Variants in BACH2 observed in about 807,000 individuals in gnomAD.
BACH2 encodes the protein BACH transcriptional regulator 2, also known as transcription regulator protein BACH2.
A neutral mutation model predicts 61.8 loss-of-function variants in BACH2; 5 were observed. The observed-to-expected ratio is 0.08, with a 90% CI of 0.04 to 0.17. BACH2 has a LOEUF of 0.17. Among genes scored for constraint, BACH2 ranks in the 10% least tolerant of loss-of-function variants. The pLI is 1.00. For synonymous variants in BACH2, 446 were observed against 440.1 expected (o/e 1.01, Z -0.17); for missense variants, 824 against 1,091.1 (o/e 0.76, Z 3.45).
chr6:90,280,932 C>G (rs1333731288), intron 1 of BACH2, among the ~76,000 whole-genome samples: 1 of 152,238 alleles, frequency 6.6e-6, no homozygotes, highest in African/African-American at 2.4e-5. Flanking sequence ...AACATCTCCT[C>G]TTCTCCATGT....
intron 3 of BACH2, among the ~76,000 whole-genome samples, chr6:90,239,529 G>A (rs1432051704): frequency 6.6e-6 from 1 of 152,110 alleles, no homozygotes; most frequent in Non-Finnish European, 1.5e-5. Flanking sequence ...ACCCTGTAAG[G>A]TGTTATAGGA....
At chr6:89,954,304 T>A (rs995412274) in intron 6 of BACH2, among the ~76,000 whole-genome samples, 5 of 150,042 alleles carry the variant, frequency 3.3e-5, no homozygotes, top group African/African-American at 4.9e-5. Context: ...TTTTCTTTTT[T>A]TTTTTATTAT....
chr6:90,071,829 T>TA (rs1781240978), intron 5 of BACH2, among the ~76,000 whole-genome samples: 1 of 152,204 alleles, frequency 6.6e-6, no homozygotes, highest in Non-Finnish European at 1.5e-5. Context: ...ATACCTGCAA[T>TA]AAAGTGAGCT....
At chr6:90,204,508 G>A (rs1032849340) in intron 4 of BACH2, among the ~76,000 whole-genome samples, 6 of 152,054 alleles carry the variant, frequency 3.9e-5, no homozygotes, top group East Asian at 1.9e-4. Context: ...AATAAAGAAC[G>A]TACTGAGCCA....
At chr6:90,012,255 T>C (rs1283883607) in intron 5 of BACH2, among the ~76,000 whole-genome samples, 1 of 152,146 alleles carries the variant, frequency 6.6e-6, no homozygotes, top group Non-Finnish European at 1.5e-5. Context: ...AATCTACTGA[T>C]GAATTTAGGA....
chr6:89,963,288 T>C (rs1448114149), intron 6 of BACH2, among the ~76,000 whole-genome samples: 1 of 151,874 alleles, frequency 6.6e-6, no homozygotes, highest in African/African-American at 2.4e-5. Flanking sequence ...TTTTATTTTT[T>C]ATTTTTCTTG....
At chr6:90,234,043 G>C (rs1770184226) in intron 3 of BACH2, among the ~76,000 whole-genome samples, 1 of 152,172 alleles carries the variant, frequency 6.6e-6, no homozygotes, top group South Asian at 2.1e-4. Context: ...AGAGCCACAG[G>C]ATGAGAACAC....
At position 90,141,489 on chromosome 6, in the gene BACH2, GTT is replaced by G. The variant is rs113693692; in HGVS notation, c.-161-52382_-161-52381del. The stretch of plus-strand genomic sequence containing the variant: ...AGCCACCATACCCCGCCCCGATCCC[GTT>G]TTTTTTTTTTTTTTTAAACCAATGA... On this transcript the variant is annotated intron_variant, in intron 4 of 8. Coordinates refer to ENST00000257749, the MANE Select transcript of BACH2 (RefSeq NM_021813.4). 8.3e-4 allele frequency among the ~76,000 whole-genome samples: 110 copies of G among 132,182 alleles called. 1 individual carries two copies. Among genetic ancestry groups the G allele is most frequent in the African/African-American group, 2.1e-3 (79 of 36,900 alleles). The allele number at this position is 132,182 out of a possible 152,430, so 86.7% of individuals were successfully genotyped here.
At chr6:90,079,989 C>CT (rs1781653270) in intron 5 of BACH2, among the ~76,000 whole-genome samples, 1 of 151,354 alleles carries the variant, frequency 6.6e-6, no homozygotes, top group African/African-American at 2.4e-5. Context: ...TTCAAAGACT[C>CT]TAAGTTGGTA....
At chr6:89,981,865 T>C (rs1401149125) in intron 6 of BACH2, among the ~76,000 whole-genome samples, 2 of 152,118 alleles carry the variant, frequency 1.3e-5, no homozygotes, top group African/African-American at 4.8e-5. Context: ...TATACGGAGC[T>C]CCTGATAACC....
intron 5 of BACH2, among the ~76,000 whole-genome samples, chr6:90,026,699 C>T (rs1246042671): frequency 6.6e-6 from 1 of 152,114 alleles, no homozygotes; most frequent in Non-Finnish European, 1.5e-5. Flanking sequence ...TGCCCCAGCT[C>T]CTAAGAGGGC....
At chr6:90,212,350 T>C (rs967209414) in intron 3 of BACH2, among the ~76,000 whole-genome samples, 20 of 152,160 alleles carry the variant, frequency 1.3e-4, no homozygotes, top group African/African-American at 4.6e-4. Context: ...GGCTGGCTCA[T>C]TCCCTGCTTC....
chr6:90,014,481 T>A (rs1188292887), intron 5 of BACH2, among the ~76,000 whole-genome samples: 146 of 125,464 alleles, frequency 1.2e-3, no homozygotes, highest in Non-Finnish European at 1.9e-3. Context: ...TTTTTTTTTT[T>A]TTTTTTTTTT....
At chr6:90,133,530 T>A (rs889566871) in intron 4 of BACH2, among the ~76,000 whole-genome samples, 6 of 149,102 alleles carry the variant, frequency 4.0e-5, no homozygotes, top group Non-Finnish European at 7.4e-5. Context: ...TATTTTATTT[T>A]ATTTATTTAT....
intron 3 of BACH2, among the ~76,000 whole-genome samples, chr6:90,228,793 A>T (rs1769998864): frequency 6.6e-6 from 1 of 152,190 alleles, no homozygotes; most frequent in Non-Finnish European, 1.5e-5. Context: ...CTATAGTGGA[A>T]ATAAGAGAGT....
intron 6 of BACH2, among the ~76,000 whole-genome samples, chr6:89,970,049 G>C (rs1482738212): frequency 2.0e-5 from 3 of 152,194 alleles, no homozygotes; most frequent in African/African-American, 7.2e-5. Flanking sequence ...AGCAAAGAAG[G>C]CATTTCAGAA....
chr6:90,026,078 C>T (rs575670102), intron 5 of BACH2, among the ~76,000 whole-genome samples: 4 of 152,188 alleles, frequency 2.6e-5, no homozygotes, highest in African/African-American at 9.6e-5. Flanking sequence ...AGAAAAAAAC[C>T]AAGTCAAAAC....
chr6:90,059,452 G>A (rs192367958), intron 5 of BACH2, among the ~76,000 whole-genome samples: 113 of 152,170 alleles, frequency 7.4e-4, no homozygotes, highest in African/African-American at 2.2e-3. Flanking sequence ...TTAGAATGGC[G>A]ATCATTAAAA....
intron 3 of BACH2, among the ~76,000 whole-genome samples, chr6:90,222,329 T>C (rs571494249): frequency 6.6e-6 from 1 of 152,254 alleles, no homozygotes; most frequent in Non-Finnish European, 1.5e-5. Flanking sequence ...AAACATTGGG[T>C]CTGGGAGAAG....
Sources: allele counts gnomAD v4.1 joint callset (sites outside exome capture counted in the v4.1 genomes callset), GRCh38; gene constraint gnomAD v4.1.1; transcripts MANE v1.5; gene names NCBI Gene and HGNC (gene_info 2026-07-23, HGNC 2026-07-21).